The following ROBO1 variants were observed in gnomAD, a reference collection of about 807,000 sequenced individuals.
ROBO1 encodes the protein roundabout guidance receptor 1, also known as roundabout homolog 1.
In ROBO1, 149 loss-of-function variants were observed where a neutral mutation model predicts 195.9. The ratio of observed to expected loss-of-function variants is 0.76; its 90% CI spans 0.67 to 0.87. The LOEUF is 0.87. ROBO1 is among the 40% of genes least tolerant of loss of function. ROBO1 has a pLI of 0.00. For missense variants in ROBO1, 1,933 were observed against 2,068.3 expected (o/e 0.93, Z 1.27); for synonymous variants, 816 against 733.2 (o/e 1.11, Z -1.82).
chr3:79,057,359 CCT>C (rs1472188873), intron 3 of ROBO1, among the ~76,000 whole-genome samples: 3 of 151,990 alleles, frequency 2.0e-5, no homozygotes, highest in African/African-American at 4.8e-5. Flanking sequence ...TCATCAATCC[CCT>C]GTCTGGGTGC....
chr3:79,708,929 GT>G (rs889398982), intron 1 of ROBO1, among the ~76,000 whole-genome samples: 59 of 152,046 alleles, frequency 3.9e-4, no homozygotes, highest in African/African-American at 1.3e-3. Flanking sequence ...AACTCATGGG[GT>G]TTTTTGTATT....
intron 2 of ROBO1, among the ~76,000 whole-genome samples, chr3:79,460,432 C>T (rs974722850): frequency 2.6e-5 from 4 of 152,050 alleles, no homozygotes; most frequent in African/African-American, 9.7e-5. Flanking sequence ...GATGTGAGTA[C>T]ATAATAATTT....
intron 4 of ROBO1, among the ~76,000 whole-genome samples, chr3:78,801,536 C>T (rs761789885): frequency 5.3e-5 from 8 of 151,992 alleles, no homozygotes; most frequent in Non-Finnish European, 7.4e-5. Flanking sequence ...ATGAAAATGT[C>T]ATATTTGGGC....
At chr3:79,611,491 T>C (rs1317008349) in intron 1 of ROBO1, among the ~76,000 whole-genome samples, 7 of 152,084 alleles carry the variant, frequency 4.6e-5, no homozygotes, top group African/African-American at 1.7e-4. Context: ...CCAACCCAAA[T>C]GTCCATCAAT....
At chr3:78,673,925 A>G (rs1305977798) in intron 10 of ROBO1, among the ~76,000 whole-genome samples, 1 of 152,002 alleles carries the variant, frequency 6.6e-6, no homozygotes, top group African/African-American at 2.4e-5. Flanking sequence ...GAAATTATAA[A>G]TTTGGCTATA....
At chr3:79,477,646 A>G (rs756801653) in intron 2 of ROBO1, among the ~76,000 whole-genome samples, 1 of 152,174 alleles carries the variant, frequency 6.6e-6, no homozygotes, top group Non-Finnish European at 1.5e-5. Context: ...AGCTGTTTTA[A>G]GCAGAATTTA....
At chr3:79,576,869 T>C (rs998157575) in intron 2 of ROBO1, among the ~76,000 whole-genome samples, 1 of 152,054 alleles carries the variant, frequency 6.6e-6, no homozygotes, top group Non-Finnish European at 1.5e-5. Context: ...GATTATTCTA[T>C]AGTTTGTAGA....
rs116162038 is a variant in ROBO1 at position 79,048,605 on chromosome 3, T to A, written c.172+76851A>T. Among the ~76,000 whole-genome samples the A allele has an allele frequency of 3.9e-3, 600 of 152,248 alleles. 5 individuals carry two copies. Among genetic ancestry groups the A allele is most frequent in the African/African-American group, 0.014 (575 of 41,554 alleles). ...TCAAATCCTTGACCACTAACTTAAA[T>A]GGCTTATTCACTCTTTCGTATGAAT... On this transcript the variant is annotated intron_variant, in intron 3 of 30. Transcript: ENST00000464233.
At chr3:78,987,237 G>GT (rs892876262) in intron 3 of ROBO1, among the ~76,000 whole-genome samples, 30 of 150,764 alleles carry the variant, frequency 2.0e-4, no homozygotes, top group Middle Eastern at 6.9e-3. Context: ...TTTAGAAATA[G>GT]TTTTTTTTAA....
chr3:79,408,796 CT>C (rs1413848394), intron 2 of ROBO1, among the ~76,000 whole-genome samples: 1 of 152,012 alleles, frequency 6.6e-6, no homozygotes, highest in Non-Finnish European at 1.5e-5. Context: ...TATAGACTTT[CT>C]TTTTTCAATA....
At chr3:78,998,115 G>A (rs2077411593) in intron 3 of ROBO1, among the ~76,000 whole-genome samples, 1 of 152,022 alleles carries the variant, frequency 6.6e-6, no homozygotes, top group Non-Finnish European at 1.5e-5. Flanking sequence ...ATACCCCATG[G>A]TTTTTCTAAA....
At chr3:79,037,248 C>T (rs1448178430) in intron 3 of ROBO1, among the ~76,000 whole-genome samples, 4 of 152,082 alleles carry the variant, frequency 2.6e-5, no homozygotes, top group South Asian at 2.1e-4. Flanking sequence ...TCTAGGTATT[C>T]GTTAGAATAC....
intron 4 of ROBO1, among the ~76,000 whole-genome samples, chr3:78,889,184 ATTG>A (rs2036739977): frequency 6.6e-6 from 1 of 152,192 alleles, no homozygotes; most frequent in Non-Finnish European, 1.5e-5. Flanking sequence ...TTGGTAAAAT[ATTG>A]TTGTTGTTTC....
chr3:78,643,919 A>C (rs1706122548), intron 21 of ROBO1, among the ~76,000 whole-genome samples: 1 of 152,166 alleles, frequency 6.6e-6, no homozygotes. Context: ...AACAAAATGC[A>C]GTAATGGATA....
At chr3:78,878,583 CAAAAA>C (rs35108863) in intron 4 of ROBO1, among the ~76,000 whole-genome samples, 2 of 46,348 alleles carry the variant, frequency 4.3e-5, no homozygotes, top group African/African-American at 7.6e-5. Context: ...AACCCCATCT[CAAAAA>C]AAAAAAAAAA....
chr3:79,225,716 C>G (rs574750466), intron 2 of ROBO1, among the ~76,000 whole-genome samples: 2 of 152,232 alleles, frequency 1.3e-5, no homozygotes, highest in Admixed American at 1.3e-4. Context: ...AAAAGGAAAA[C>G]AAAACCAAAC....
chr3:79,559,921 G>GA (rs2107704995), intron 2 of ROBO1, among the ~76,000 whole-genome samples: 1 of 151,722 alleles, frequency 6.6e-6, no homozygotes, highest in South Asian at 2.1e-4. Context: ...TATCTTAAAA[G>GA]AAAAAAATGC....
At chr3:79,376,290 T>C (rs1291968362) in intron 2 of ROBO1, among the ~76,000 whole-genome samples, 1 of 152,214 alleles carries the variant, frequency 6.6e-6, no homozygotes, top group Non-Finnish European at 1.5e-5. Context: ...GCATTAGGAC[T>C]AGGCATCTAC....
intron 1 of ROBO1, among the ~76,000 whole-genome samples, chr3:79,726,289 T>C (rs1702922820): frequency 6.6e-6 from 1 of 152,182 alleles, no homozygotes; most frequent in African/African-American, 2.4e-5. Context: ...CTACAGTCCC[T>C]CAAGCCCTCC....
Sources: allele counts gnomAD v4.1 joint callset (sites outside exome capture counted in the v4.1 genomes callset), GRCh38; gene constraint gnomAD v4.1.1; transcripts MANE v1.5; gene names NCBI Gene and HGNC (gene_info 2026-07-23, HGNC 2026-07-21).